The following UBE2Q1 variants were observed in gnomAD, a reference collection of about 807,000 sequenced individuals.
UBE2Q1 encodes ubiquitin-conjugating enzyme E2 Q1.
Under a neutral mutation model 60.1 loss-of-function variants are expected in UBE2Q1, and 6 were observed. The ratio of observed to expected loss-of-function variants is 0.10; its 90% CI spans 0.05 to 0.20. UBE2Q1 has a LOEUF of 0.20. Ranked by LOEUF, UBE2Q1 falls within the 10% of genes least tolerant of loss-of-function variation. UBE2Q1 has a pLI of 1.00. For missense variants in UBE2Q1, 262 were observed against 525.8 expected, an observed-to-expected ratio of 0.50 and a Z score of 4.91; for synonymous variants, 226 against 208.3, an observed-to-expected ratio of 1.09 and a Z score of -0.73.
chr1:154,556,087 C>A, intron 1 of UBE2Q1, 123 bp from the exon 2 acceptor site: 1 of 723,780 alleles, frequency 1.4e-6, no homozygotes, highest in Non-Finnish European at 2.4e-6. Context: ...CCCCTACACA[C>A]ACATAAAAGC....
intron 1 of UBE2Q1, among the ~76,000 whole-genome samples, chr1:154,557,373 A>G (rs1416341655): frequency 1.3e-5 from 2 of 152,256 alleles, no homozygotes; most frequent in African/African-American, 4.8e-5. Flanking sequence ...ACATTCCCAA[A>G]TTAGCAGAAG....
rs1047577928 is a variant in UBE2Q1 at position 154,549,529 on chromosome 1, C to T, written c.*909G>A. ...TTCCAGGAGAGGAACCAATGAACAG[C>T]GAAGAGTTGCAGCCACACAGCTGAG... On this transcript the variant is annotated 3_prime_UTR_variant, in exon 13 of 13. Transcript: ENST00000292211. 7 of 152,636 alleles carry T rather than the reference C, an allele frequency of 4.6e-5. No individual in the cohort carries two copies. The highest frequency in any genetic ancestry group is 1.9e-4 in the East Asian group (1 of 5,200). 9.5% of individuals were successfully genotyped at this position (152,636 alleles called of 1,614,324 possible).
intron 1 of UBE2Q1, among the ~76,000 whole-genome samples, chr1:154,557,199 T>C (rs184321514): frequency 1.4e-4 from 21 of 152,356 alleles, no homozygotes; most frequent in African/African-American, 4.6e-4. Context: ...GGCCCCCAAG[T>C]AGCAGAGAAT....
rs775987020 is a variant in UBE2Q1, at chr1:154,552,083, A to G, written c.966+10T>C. 6.2e-7 allele frequency: 1 copy of G among 1,613,758 alleles called. No individual in the cohort carries two copies. Among genetic ancestry groups the G allele is most frequent in the Non-Finnish European group, 8.5e-7 (1 of 1,179,578 alleles). ...GGCCAGAGGGAGAGACTGGAAAAGA[A>G]AAGTCTTACTTTAAAGGAAAAGTTA... is the stretch of plus-strand genomic sequence containing the variant. On this transcript the variant is annotated intron_variant, in intron 8 of 12. Coordinates refer to ENST00000292211, the MANE Select transcript of UBE2Q1 (RefSeq NM_017582.7).
chr1:154,556,534 T>TC (rs1695891256), intron 1 of UBE2Q1, among the ~76,000 whole-genome samples: 1 of 152,116 alleles, frequency 6.6e-6, no homozygotes, highest in Admixed American at 6.5e-5. Context: ...AGACCAATTC[T>TC]CCCCACCTCT....
chr1:154,554,858 C>T, intron 3 of UBE2Q1, 73 bp from the exon 4 acceptor site: 1 of 1,529,200 alleles, frequency 6.5e-7, no homozygotes, highest in East Asian at 2.3e-5. Context: ...AACCTACTCC[C>T]CTGAGCCCCC....
chr1:154,553,042 T>C lies in UBE2Q1; in HGVS notation c.719A>G (p.Asp240Gly). The C allele has an allele frequency of 6.2e-7, 1 of 1,614,022 alleles. No individual in the cohort carries two copies. Among genetic ancestry groups the C allele is most frequent in the African/African-American group, 1.3e-5 (1 of 74,996 alleles). ...LEKIKKNQRQDYLNGAVSGSV... is the reference protein window; with the variant it reads ...LEKIKKNQRQGYLNGAVSGSV... Reference sequence around the variant, plus strand: ...CTAGAAGGCACGTACATTTAAGTAATCTTGCCTCTGGTTCTTTTTAATTTT... The same window carrying C: ...CTAGAAGGCACGTACATTTAAGTAACCTTGCCTCTGGTTCTTTTTAATTTT... The change falls in exon 5 of 13, where the codon GAT becomes GGT. Residue 240 changes from aspartate to glycine, a missense_variant. Around this residue, in one of 5 missense-constraint regions of UBE2Q1, gnomAD observed 111 missense variants for 266.8 expected, o/e 0.42. Transcript: ENST00000292211.
intron 6 of UBE2Q1, 56 bp from the exon 7 acceptor site, chr1:154,552,520 C>T (rs778094115): frequency 2.2e-5 from 35 of 1,589,610 alleles, no homozygotes; most frequent in Non-Finnish European, 3.0e-5. Flanking sequence ...TGAGTGGTCT[C>T]TAATGCAGAC....
intron 8 of UBE2Q1, 34 bp downstream of exon 8, chr1:154,552,059 G>A (rs781046936): frequency 5.0e-6 from 8 of 1,613,832 alleles, no homozygotes; most frequent in Middle Eastern, 1.6e-4. Flanking sequence ...GGCAGCCTAG[G>A]CCAGAGGGAG....
chr1:154,550,219 G>A lies in UBE2Q1; in HGVS notation c.*219C>T, dbSNP rs1205077744. ...AGCAAGGGTTCCAGCAAGGTGGTTGGTTGGTCTGTAAGTCAGTCTTGAGTA... is the reference window on the plus strand; with the variant it reads ...AGCAAGGGTTCCAGCAAGGTGGTTGATTGGTCTGTAAGTCAGTCTTGAGTA... On this transcript the variant is annotated 3_prime_UTR_variant, in exon 13 of 13. Transcript: ENST00000292211. The A allele has an allele frequency of 2.1e-5, 12 of 564,580 alleles. No individual in the cohort carries two copies. The highest frequency in any genetic ancestry group is 3.3e-5 in the Non-Finnish European group (11 of 329,154). 35.0% of individuals were successfully genotyped at this position (564,580 alleles called of 1,614,324 possible).
rs1419166574 is a variant in UBE2Q1, at chr1:154,549,516, A to G, written c.*922T>C. The G allele has an allele frequency of 6.5e-6, 1 of 152,712 alleles. No homozygotes were observed. The highest frequency in any genetic ancestry group is 1.5e-5 in the Non-Finnish European group (1 of 68,084). 9.5% of individuals were successfully genotyped at this position (152,712 alleles called of 1,614,324 possible). ...GTTAGAAGCCACTTTCCAGGAGAGG[A>G]ACCAATGAACAGCGAAGAGTTGCAG... On this transcript the variant is annotated 3_prime_UTR_variant, in exon 13 of 13. Coordinates refer to ENST00000292211, the MANE Select transcript of UBE2Q1 (RefSeq NM_017582.7).
Position 154,550,279 on chromosome 1 carries a change from G to T in UBE2Q1, c.*159C>A. The T allele has an allele frequency of 5.1e-6, 5 of 975,232 alleles. No homozygotes were observed. Among genetic ancestry groups the T allele is most frequent in the South Asian group, 3.4e-5 (2 of 59,528 alleles). The allele number at this position is 975,232 out of a possible 1,614,324, so 60.4% of individuals were successfully genotyped here. On this transcript the variant is annotated 3_prime_UTR_variant, in exon 13 of 13. Transcript: ENST00000292211. Reference sequence around the variant, plus strand: ...GTTCTGTGTTTGTTTTTTTTCCTTAGCGTTTAGAATAGCCATCATTGTCCT... The same window carrying T: ...GTTCTGTGTTTGTTTTTTTTCCTTATCGTTTAGAATAGCCATCATTGTCCT...
intron 2 of UBE2Q1, 121 bp from the exon 3 acceptor site, chr1:154,555,653 C>T (rs1181446072): frequency 3.9e-6 from 4 of 1,027,642 alleles, no homozygotes; most frequent in Admixed American, 2.0e-5. Flanking sequence ...TTATGGGCCA[C>T]GTGGCTGTGG....
chr1:154,556,321 T>A (rs1695887582), intron 1 of UBE2Q1, among the ~76,000 whole-genome samples: 2 of 152,188 alleles, frequency 1.3e-5, no homozygotes, highest in African/African-American at 4.8e-5. Context: ...AAGTTCTCCC[T>A]GGACCCAGAA....
intron 1 of UBE2Q1, among the ~76,000 whole-genome samples, chr1:154,557,981 G>A (rs928708108): frequency 6.6e-6 from 1 of 152,036 alleles, no homozygotes; most frequent in South Asian, 2.1e-4. Context: ...ATGTGGGTGG[G>A]TTCGTGGAAA....
chr1:154,552,067 G>A (rs1238005626), intron 8 of UBE2Q1, 26 bp downstream of exon 8: 12 of 1,614,048 alleles, frequency 7.4e-6, no homozygotes, highest in South Asian at 1.1e-5. Flanking sequence ...AGGCCAGAGG[G>A]AGAGACTGGA....
In UBE2Q1 at chr1:154,551,585, G is replaced by A. The variant is rs908592418; in HGVS notation, c.1075-93C>T. ...TCTGGGCAATCAGCTGTGTCTATAG[G>A]AGGGCCCTTGCCCTTTGCCCCCAGC... On this transcript the variant is annotated intron_variant, in intron 10 of 12. Transcript: ENST00000292211. The A allele has an allele frequency of 6.5e-5, 96 of 1,488,044 alleles. No individual in the cohort carries two copies. The South Asian group carries it at 1.0e-3, about 16-fold the overall frequency. The allele number at this position is 1,488,044 out of a possible 1,614,324, so 92.2% of individuals were successfully genotyped here. A position where few individuals can be genotyped will look rare whatever the true frequency, so the allele number is the denominator to read the frequency against.
At chr1:154,554,683 G>A in intron 4 of UBE2Q1, 52 bp downstream of exon 4, 1 of 1,586,430 alleles carries the variant, frequency 6.3e-7, no homozygotes, top group Non-Finnish European at 8.6e-7. Context: ...GGGTACCAAT[G>A]TTGCTGACTG....
chr1:154,550,557 A>G (rs1483859699), intron 12 of UBE2Q1, 88 bp from the exon 13 acceptor site: 1 of 1,596,868 alleles, frequency 6.3e-7, no homozygotes, highest in East Asian at 2.2e-5. Context: ...CTCCAGTGGC[A>G]GAGATAAGAG....
Sources: allele counts gnomAD v4.1 joint callset (sites outside exome capture counted in the v4.1 genomes callset), GRCh38; gene constraint gnomAD v4.1.1; regional missense constraint gnomAD v4.1.1; transcripts MANE v1.5; gene names NCBI Gene and HGNC (gene_info 2026-07-23, HGNC 2026-07-21).